The following VRK2 variants were observed in gnomAD, a reference collection of about 807,000 sequenced individuals.
VRK2 encodes VRK serine/threonine kinase 2.
In VRK2, 60 loss-of-function variants were observed where a neutral mutation model predicts 57.6. The ratio of observed to expected loss-of-function variants is 1.04; its 90% CI spans 0.85 to 1.29. The LOEUF (loss-of-function observed/expected upper bound fraction) is 1.29, where lower values mean the gene tolerates loss of function less well. Ranked by LOEUF, VRK2 falls within the 50% of genes most tolerant of loss-of-function variation. The probability of loss-of-function intolerance (pLI) is 0.00; values close to 1 mark genes in which losing one functional copy is unlikely to be tolerated. For synonymous variants in VRK2, 231 were observed against 199.2 expected (o/e 1.16, Z -1.35); for missense variants, 705 against 588.1 (o/e 1.20, Z -2.06).
chr2:58,063,985 A>G (rs1182795939), intron 2 of VRK2, among the ~76,000 whole-genome samples: 1 of 152,122 alleles, frequency 6.6e-6, no homozygotes, highest in African/African-American at 2.4e-5. Context: ...GATGTGACAG[A>G]AATTGCAAGA....
At chr2:57,912,202 G>A (rs1440523395) in intron 1 of VRK2, among the ~76,000 whole-genome samples, 1 of 152,204 alleles carries the variant, frequency 6.6e-6, no homozygotes, top group Non-Finnish European at 1.5e-5. Flanking sequence ...AAAAGAGCTA[G>A]TTTAGGTTTT....
intron 2 of VRK2, among the ~76,000 whole-genome samples, chr2:58,067,135 C>T (rs1668715381): frequency 1.3e-5 from 2 of 152,206 alleles, no homozygotes; most frequent in Admixed American, 1.3e-4. Context: ...ACTGCAGGTT[C>T]TTCAGCTTTT....
chr2:57,945,851 A>G (rs1671246310), intron 1 of VRK2, among the ~76,000 whole-genome samples: 1 of 152,196 alleles, frequency 6.6e-6, no homozygotes, highest in Non-Finnish European at 1.5e-5. Flanking sequence ...TGTAGAGAAC[A>G]TAGAAAACTT....
chr2:58,117,406 G>C (rs537046293), intron 7 of VRK2, among the ~76,000 whole-genome samples: 1 of 152,078 alleles, frequency 6.6e-6, no homozygotes, highest in South Asian at 2.1e-4. Context: ...AAAGATTACA[G>C]GGTGGAGGAG....
intron 2 of VRK2, among the ~76,000 whole-genome samples, chr2:58,063,032 T>G (rs1451258144): frequency 1.3e-5 from 2 of 152,076 alleles, no homozygotes; most frequent in Non-Finnish European, 2.9e-5. Flanking sequence ...AGATGATGAC[T>G]TTAAGTCGAA....
At chr2:57,947,606 C>G (rs569853877) in intron 1 of VRK2, among the ~76,000 whole-genome samples, 3 of 152,246 alleles carry the variant, frequency 2.0e-5, no homozygotes, top group African/African-American at 7.2e-5. Flanking sequence ...CAATTTCTTC[C>G]TACATATAAA....
intron 1 of VRK2, among the ~76,000 whole-genome samples, chr2:57,931,688 C>G (rs1466273018): frequency 6.6e-6 from 1 of 152,070 alleles, no homozygotes; most frequent in South Asian, 2.1e-4. Flanking sequence ...AAATTATCAC[C>G]AAGATCGATG....
chr2:57,969,054 A>G (rs1266485444), intron 1 of VRK2, among the ~76,000 whole-genome samples: 1 of 152,152 alleles, frequency 6.6e-6, no homozygotes, highest in Non-Finnish European at 1.5e-5. Flanking sequence ...CAAAACACTT[A>G]TTAATGTATT....
chr2:58,026,244 C>T (rs1432535151), intron 2 of VRK2, among the ~76,000 whole-genome samples: 1 of 151,932 alleles, frequency 6.6e-6, no homozygotes, highest in Non-Finnish European at 1.5e-5. Flanking sequence ...ATGTCTGTTA[C>T]CTAAGAACAA....
intron 12 of VRK2, among the ~76,000 whole-genome samples, chr2:58,157,899 T>C (rs1007940637): frequency 6.6e-6 from 1 of 152,212 alleles, no homozygotes; most frequent in Non-Finnish European, 1.5e-5. Flanking sequence ...TAAAACTTTA[T>C]TCACAAAACA....
At chr2:58,048,804 T>G in intron 1 of VRK2, 23 bp from the exon 2 acceptor site, 3 of 1,608,710 alleles carry the variant, frequency 1.9e-6, no homozygotes, top group Non-Finnish European at 2.5e-6. Flanking sequence ...TTTACCCATT[T>G]ATCTCACCCC....
chr2:57,937,239 G>A (rs1670943495), intron 1 of VRK2, among the ~76,000 whole-genome samples: 1 of 152,132 alleles, frequency 6.6e-6, no homozygotes, highest in Non-Finnish European at 1.5e-5. Flanking sequence ...GGGGACCTAG[G>A]ATACCCCATT....
chr2:58,071,196 T>G (rs900163917), intron 2 of VRK2, among the ~76,000 whole-genome samples: 15 of 152,124 alleles, frequency 9.9e-5, no homozygotes, highest in Non-Finnish European at 1.5e-5. Flanking sequence ...TTTTGTATAT[T>G]TTTGATATGT....
intron 2 of VRK2, among the ~76,000 whole-genome samples, chr2:58,026,499 C>T (rs187251833): frequency 1.3e-5 from 2 of 152,118 alleles, no homozygotes; most frequent in Admixed American, 6.5e-5. Flanking sequence ...AGCAGGTTCC[C>T]AAATAATGTG....
chr2:58,088,036 A>G (rs2104205645), intron 5 of VRK2, among the ~76,000 whole-genome samples: 1 of 152,342 alleles, frequency 6.6e-6, no homozygotes, highest in South Asian at 2.1e-4. Flanking sequence ...ATATGGCAAG[A>G]AAGTCATGGA....
At chr2:58,008,527 A>G (rs935612241) in intron 1 of VRK2, among the ~76,000 whole-genome samples, 3 of 152,030 alleles carry the variant, frequency 2.0e-5, no homozygotes, top group African/African-American at 7.2e-5. Flanking sequence ...ACGTGAAGGA[A>G]GGAAGAAAAG....
At chr2:58,077,077 A>G (rs1014536551) in intron 2 of VRK2, among the ~76,000 whole-genome samples, 4 of 152,060 alleles carry the variant, frequency 2.6e-5, no homozygotes, top group African/African-American at 9.7e-5. Flanking sequence ...AAAATCCAAG[A>G]TGACACAATA....
At chr2:57,932,645 A>G (rs1268274758) in intron 1 of VRK2, among the ~76,000 whole-genome samples, 1 of 151,946 alleles carries the variant, frequency 6.6e-6, no homozygotes, top group Non-Finnish European at 1.5e-5. Context: ...TACTCTTTTA[A>G]TTAATCTTTT....
chr2:57,919,668 A>G (rs1040936652), intron 1 of VRK2, among the ~76,000 whole-genome samples: 13 of 152,076 alleles, frequency 8.5e-5, no homozygotes, highest in African/African-American at 3.1e-4. Context: ...GAGCAAGGTT[A>G]TATTTTTCCT....
Sources: gnomAD v4.1 joint callset for allele counts (sites outside exome capture counted in the v4.1 genomes callset) on GRCh38, gnomAD v4.1.1 for gene constraint, MANE v1.5 for transcripts, NCBI Gene and HGNC (gene_info 2026-07-23, HGNC 2026-07-21) for gene names.